OR1J2: variants seen among roughly 807,000 people sequenced by gnomAD.
The protein encoded by OR1J2 is olfactory receptor family 1 subfamily J member 2.
For missense variants in OR1J2, 304 were observed against 246.1 expected (o/e 1.24, Z -1.57); for synonymous variants, 142 against 99.7 (o/e 1.42, Z -2.52).
the OR1J2 span, among the ~76,000 whole-genome samples, chr9:122,564,904 C>T: frequency 1.3e-5 from 2 of 152,204 alleles, no homozygotes; most frequent in Admixed American, 6.5e-5. Context: ...ACCACTTGTC[C>T]TTCCACAAGA....
At chr9:122,519,386 A>T in the OR1J2 span, 1 of 1,614,192 alleles carries the variant, frequency 6.2e-7, no homozygotes, top group Non-Finnish European at 8.5e-7. Flanking sequence ...CAAAGATGTT[A>T]TTAAGCATGC....
At chr9:122,466,219 GCAGA>G in the OR1J2 span, among the ~76,000 whole-genome samples, 3 of 152,132 alleles carry the variant, frequency 2.0e-5, no homozygotes, top group African/African-American at 4.8e-5. Flanking sequence ...GAGCAAGCAA[GCAGA>G]CAAACAAACA....
At chr9:122,476,941 C>A in the OR1J2 span, 1 of 1,069,038 alleles carries the variant, frequency 9.4e-7, no homozygotes, top group South Asian at 1.3e-5. Flanking sequence ...CTCCTGATCT[C>A]AGGTGATCCG....
chr9:122,492,410 C>T, the OR1J2 span, among the ~76,000 whole-genome samples: 3 of 151,884 alleles, frequency 2.0e-5, no homozygotes, highest in African/African-American at 7.3e-5. Context: ...TGATGAATAC[C>T]TGGGTTGGTT....
the OR1J2 span, among the ~76,000 whole-genome samples, chr9:122,559,343 T>C: frequency 1.3e-5 from 2 of 152,134 alleles, no homozygotes; most frequent in South Asian, 2.1e-4. Flanking sequence ...AGGATACATG[T>C]GCAGAATGTG....
the OR1J2 span, among the ~76,000 whole-genome samples, chr9:122,532,834 A>T: frequency 6.6e-6 from 1 of 152,104 alleles, no homozygotes; most frequent in Non-Finnish European, 1.5e-5. Context: ...CGCACTAACC[A>T]TGCCTAGGAA....
the OR1J2 span, chr9:122,554,056 T>C: frequency 3.1e-6 from 5 of 1,613,770 alleles, no homozygotes; most frequent in East Asian, 2.2e-5. Context: ...GTTCTCTATA[T>C]GGTGATTATT....
At chr9:122,448,331 G>A in the OR1J2 span, among the ~76,000 whole-genome samples, 10 of 152,294 alleles carry the variant, frequency 6.6e-5, no homozygotes, top group South Asian at 4.1e-4. Flanking sequence ...CTGCCAGCAC[G>A]TCTTGCCTCC....
chr9:122,490,744 A>G, the OR1J2 span, among the ~76,000 whole-genome samples: 1 of 152,208 alleles, frequency 6.6e-6, no homozygotes, highest in Admixed American at 6.5e-5. Context: ...GGATGAGTCC[A>G]GAGAAACTAG....
At chr9:122,537,846 C>T in the OR1J2 span, among the ~76,000 whole-genome samples, 1 of 152,128 alleles carries the variant, frequency 6.6e-6, no homozygotes, top group East Asian at 1.9e-4. Flanking sequence ...CTCTCTGCAG[C>T]AGAGAAGGGT....
the OR1J2 span, among the ~76,000 whole-genome samples, chr9:122,558,589 A>T: frequency 6.6e-6 from 1 of 151,688 alleles, no homozygotes; most frequent in Non-Finnish European, 1.5e-5. Flanking sequence ...GAACATATTT[A>T]AAATATTTCA....
the OR1J2 span, among the ~76,000 whole-genome samples, chr9:122,475,367 T>A: frequency 6.6e-6 from 1 of 152,212 alleles, no homozygotes; most frequent in Non-Finnish European, 1.5e-5. Flanking sequence ...TCCCGCCACA[T>A]TTCTTCTTTT....
At chr9:122,512,725 A>G (rs1828654588), downstream of OR1J2, among the ~76,000 whole-genome samples, 1 of 152,190 alleles carries the variant, frequency 6.6e-6, no homozygotes, top group Admixed American at 6.5e-5. Context: ...CAACCTATAT[A>G]TGTAATGAAA....
the OR1J2 span, among the ~76,000 whole-genome samples, chr9:122,556,502 C>T: frequency 1.3e-5 from 2 of 151,840 alleles, no homozygotes; most frequent in South Asian, 2.1e-4. Context: ...AAGTAGTGTC[C>T]ACCGGGGCCT....
the OR1J2 span, among the ~76,000 whole-genome samples, chr9:122,531,233 C>G: frequency 6.6e-6 from 1 of 152,196 alleles, no homozygotes; most frequent in African/African-American, 2.4e-5. Context: ...AAACATTTGT[C>G]ATTTAGAATT....
At chr9:122,539,271 C>T in the OR1J2 span, among the ~76,000 whole-genome samples, 47 of 152,234 alleles carry the variant, frequency 3.1e-4, no homozygotes, top group Non-Finnish European at 5.4e-4. Context: ...TTCCCACCCC[C>T]ACCCCACAAC....
chr9:122,476,717 CT>C, the OR1J2 span, among the ~76,000 whole-genome samples: 1 of 149,686 alleles, frequency 6.7e-6, no homozygotes, highest in Non-Finnish European at 1.5e-5. Context: ...TTTCTTTTTT[CT>C]TTTTTTTGAC....
the OR1J2 span, among the ~76,000 whole-genome samples, chr9:122,530,522 G>A: frequency 6.6e-6 from 1 of 152,142 alleles, no homozygotes. Context: ...GATCAAATTA[G>A]TACAGTGCTG....
chr9:122,543,127 T>TA, the OR1J2 span, among the ~76,000 whole-genome samples: 2 of 152,296 alleles, frequency 1.3e-5, no homozygotes, highest in South Asian at 2.1e-4. Context: ...TTCAGTATTG[T>TA]AAAAAAATTC....
Sources: gnomAD v4.1 joint callset for allele counts (sites outside exome capture counted in the v4.1 genomes callset) on GRCh38, gnomAD v4.1.1 for gene constraint, MANE v1.5 for transcripts, NCBI Gene and HGNC (gene_info 2026-07-23, HGNC 2026-07-21) for gene names.